Variants in MOV10L1 observed in about 807,000 individuals in gnomAD.
The protein encoded by MOV10L1 is RNA helicase Mov10l1.
Under a neutral mutation model 143.8 loss-of-function variants are expected in MOV10L1, and 110 were observed. The ratio of observed to expected loss-of-function variants is 0.76; its 90% CI spans 0.66 to 0.90. The LOEUF is 0.90. MOV10L1 is among the 40% of genes least tolerant of loss of function. MOV10L1 has a pLI of 0.00. For missense variants in MOV10L1, 1,406 were observed against 1,526.8 expected, an observed-to-expected ratio of 0.92 and a Z score of 1.32; for synonymous variants, 593 against 581.1, an observed-to-expected ratio of 1.02 and a Z score of -0.29.
chr22:50,133,616 C>T (rs2062740015), intron 13 of MOV10L1, among the ~76,000 whole-genome samples: 1 of 152,030 alleles, frequency 6.6e-6, no homozygotes, highest in African/African-American at 2.4e-5. Flanking sequence ...TCTCAGCTTA[C>T]TGCAACCTCT....
intron 15 of MOV10L1, among the ~76,000 whole-genome samples, chr22:50,139,931 C>A (rs571207293): frequency 1.3e-5 from 2 of 152,268 alleles, no homozygotes; most frequent in East Asian, 3.9e-4. Context: ...CACCACTGTG[C>A]AAAAGGTGTT....
At chr22:50,149,495 C>T (rs2063237576) in intron 19 of MOV10L1, 120 bp from the exon 20 acceptor site, 4 of 901,096 alleles carry the variant, frequency 4.4e-6, no homozygotes, top group Middle Eastern at 2.3e-4. Flanking sequence ...AGCTCCTGCA[C>T]ACCCCTGGGC....
At chr22:50,156,293 T>G (rs1410183828) in intron 22 of MOV10L1, among the ~76,000 whole-genome samples, 1 of 151,922 alleles carries the variant, frequency 6.6e-6, no homozygotes, top group Non-Finnish European at 1.5e-5. Flanking sequence ...TTTTTGTATT[T>G]TTAGTAGAGA....
chr22:50,147,028 T>A, intron 19 of MOV10L1: 1 of 1,547,374 alleles, frequency 6.5e-7, no homozygotes, highest in East Asian at 2.4e-5. Context: ...ATTTTTTTTG[T>A]TAATGTGTGT....
chr22:50,159,818 G>T lies in MOV10L1; in HGVS notation c.3324+33G>T. On this transcript the variant is annotated intron_variant, in intron 24 of 26. Transcript: ENST00000262794. This position sits in a 1 kb window ranked among gnomAD's most constrained non-coding sequence, Gnocchi z 4.1. ...TCCCTGTTCTCCGTGGGGATGGACA[G>T]TCAGGTGCTTGCTGCCCTGGGGGTT... The T allele has an allele frequency of 6.9e-7, 1 of 1,449,720 alleles. No individual in the cohort carries two copies. Among genetic ancestry groups the T allele is most frequent in the African/African-American group, 1.4e-5 (1 of 71,360 alleles). 89.8% of individuals were successfully genotyped at this position (1,449,720 alleles called of 1,614,324 possible).
rs1212207272 is a variant in MOV10L1 at position 50,158,347 on chromosome 22, G to A, written c.3216+141G>A. The A allele has an allele frequency of 2.5e-5, 26 of 1,055,686 alleles. No homozygotes were observed. Among genetic ancestry groups the A allele is most frequent in the Middle Eastern group, 6.3e-4 (2 of 3,168 alleles). 65.4% of individuals were successfully genotyped at this position (1,055,686 alleles called of 1,614,324 possible). ...AGGGGCAGGACCGCACTTGAATGTC[G>A]TTCAACATGAGAGGTCACCCAACTG... On this transcript the variant is annotated intron_variant, in intron 23 of 26. Coordinates refer to ENST00000262794, the MANE Select transcript of MOV10L1 (RefSeq NM_018995.3). The surrounding 1 kb of genome is among the most constrained non-coding windows in gnomAD (Gnocchi z 5.0).
intron 26 of MOV10L1, 133 bp downstream of exon 26, chr22:50,161,188 C>A: frequency 9.2e-7 from 1 of 1,085,150 alleles, no homozygotes; most frequent in Non-Finnish European, 1.4e-6. Flanking sequence ...ACCGTCCTCA[C>A]CTCATCCTGG....
intron 19 of MOV10L1, among the ~76,000 whole-genome samples, chr22:50,146,127 C>T (rs535309134): frequency 6.8e-6 from 1 of 147,942 alleles, no homozygotes; most frequent in African/African-American, 2.5e-5. Flanking sequence ...CAGGAACGGC[C>T]TGAAAGGGGT....
intron 20 of MOV10L1, among the ~76,000 whole-genome samples, chr22:50,150,438 A>G (rs2063266939): frequency 6.6e-6 from 1 of 152,252 alleles, no homozygotes; most frequent in Non-Finnish European, 1.5e-5. Context: ...TCCAGAAGAT[A>G]GACGGCATCC....
At chr22:50,149,520 C>T in intron 19 of MOV10L1, 95 bp from the exon 20 acceptor site, 3 of 1,250,666 alleles carry the variant, frequency 2.4e-6, no homozygotes, top group Non-Finnish European at 2.3e-6. Flanking sequence ...CTGCTGTGCC[C>T]CCGGGGTGCT....
chr22:50,090,029 G>C lies in MOV10L1; in HGVS notation c.-60G>C. On this transcript the variant is annotated 5_prime_UTR_variant, in exon 1 of 27. Transcript: ENST00000262794. ...CCATTGGTGGCGGGCGGCGGGAGCGGCGCGGGCGCGTGCGGGCGGCGGCAG... is the reference window on the plus strand; with the variant it reads ...CCATTGGTGGCGGGCGGCGGGAGCGCCGCGGGCGCGTGCGGGCGGCGGCAG... The C allele has an allele frequency of 1.7e-6, 2 of 1,160,830 alleles. No individual in the cohort carries two copies. Among genetic ancestry groups the C allele is most frequent in the African/African-American group, 1.6e-5 (1 of 61,404 alleles). 71.9% of individuals were successfully genotyped at this position (1,160,830 alleles called of 1,614,324 possible).
rs760219199 is a variant in MOV10L1 at position 50,126,202 on chromosome 22, G to C, written c.1748G>C (p.Gly583Ala). 6.3e-7 allele frequency: 1 copy of C among 1,595,344 alleles called. No individual in the cohort carries two copies. The highest frequency in any genetic ancestry group is 8.6e-7 in the Non-Finnish European group (1 of 1,163,342). Residue 583 changes from glycine to alanine, a missense_variant and splice_region_variant, in exon 12 of 27, where the codon GGT becomes GCT. By Grantham distance (60) the Gly-to-Ala change is moderately conservative (BLOSUM62 0). Around this residue, in one of 3 missense-constraint regions of MOV10L1, gnomAD observed 1,233 missense variants for 1,351.4 expected, o/e 0.91. Coordinates refer to ENST00000262794, the MANE Select transcript of MOV10L1 (RefSeq NM_018995.3). Reference protein sequence around the residue: ...LAEGRPSLYAGDKLILKTQEY... With the variant: ...LAEGRPSLYAADKLILKTQEY... ...ACATGGTAATATATTTTTTAACTAG[G>C]TGATAAACTGATTTTAAAAACTCAA...
chr22:50,125,253 G>T, intron 10 of MOV10L1, 139 bp from the exon 11 acceptor site: 1 of 766,516 alleles, frequency 1.3e-6, no homozygotes, highest in Non-Finnish European at 2.1e-6. Context: ...TGAGGCACCT[G>T]CAGACTCCGG....
chr22:50,105,921 G>A (rs1016992510), intron 3 of MOV10L1, among the ~76,000 whole-genome samples: 3 of 152,216 alleles, frequency 2.0e-5, no homozygotes, highest in Non-Finnish European at 4.4e-5. Context: ...TGCATGTCTG[G>A]AGGATCACGT....
At chr22:50,112,513 G>A (rs2062052256) in intron 5 of MOV10L1, among the ~76,000 whole-genome samples, 1 of 152,184 alleles carries the variant, frequency 6.6e-6, no homozygotes, top group Non-Finnish European at 1.5e-5. Context: ...AGCACAGCAC[G>A]GAACCCGCAC....
rs942433321 is a variant in MOV10L1 at position 50,148,120 on chromosome 22, C to T, written c.2628-1495C>T. ...TGGAATCAGCAGTGAGAAGGGTAAACGTGGGCTCGGCAGTGAGGACGGTGC... is the reference window on the plus strand; with the variant it reads ...TGGAATCAGCAGTGAGAAGGGTAAATGTGGGCTCGGCAGTGAGGACGGTGC... On this transcript the variant is annotated intron_variant, in intron 19 of 26. Coordinates refer to ENST00000262794, the MANE Select transcript of MOV10L1 (RefSeq NM_018995.3). Among the ~76,000 whole-genome samples the T allele has an allele frequency of 5.3e-5, 8 of 152,242 alleles. No homozygotes were observed. The East Asian group carries it at 5.8e-4, about 11-fold the overall frequency.
chr22:50,130,073 C>G, intron 13 of MOV10L1, among the ~76,000 whole-genome samples: 1 of 152,150 alleles, frequency 6.6e-6, no homozygotes, highest in African/African-American at 2.4e-5. Flanking sequence ...GTCAGGAGTT[C>G]GAGACCAGCC....
At position 50,146,999 on chromosome 22, in the gene MOV10L1, G is replaced by A. The variant is rs984870610; in HGVS notation, c.2627+1189G>A. On this transcript the variant is annotated intron_variant, in intron 19 of 26. Coordinates refer to ENST00000262794, the MANE Select transcript of MOV10L1 (RefSeq NM_018995.3). ...GTGTGGCTACCGGATTGGACAGCAC[G>A]GATCTGAACAAGACAGGGATTTTTT... 7.9e-5 allele frequency: 118 copies of A among 1,502,178 alleles called. 1 individual carries two copies. In the East Asian group the frequency reaches 2.5e-3, roughly 32 times the overall value. 93.1% of individuals were successfully genotyped at this position (1,502,178 alleles called of 1,614,324 possible).
rs751136956 is a variant in MOV10L1 at position 50,129,449 on chromosome 22, C to T, written c.1910+942C>T. Among the ~76,000 whole-genome samples the T allele has an allele frequency of 4.3e-4, 65 of 152,158 alleles. 2 individuals are homozygous for T. Among genetic ancestry groups the T allele is most frequent in the Admixed American group, 2.4e-3 (37 of 15,264 alleles). On this transcript the variant is annotated intron_variant, in intron 13 of 26. Transcript: ENST00000262794. ...GAGATTTTCACTAAACATTGTGTTC[C>T]TGAGATGTCTCCGTGTTGTTGTAAC...
Sources: gnomAD v4.1 joint callset for allele counts (sites outside exome capture counted in the v4.1 genomes callset) on GRCh38, gnomAD v4.1.1 for gene constraint, gnomAD v4.1.1 regional missense constraint, Gnocchi (gnomAD v3.1) non-coding constraint, MANE v1.5 for transcripts, NCBI Gene and HGNC (gene_info 2026-07-23, HGNC 2026-07-21) for gene names.